The following SHANK2 variants were observed in gnomAD, a reference collection of about 807,000 sequenced individuals.
The protein encoded by SHANK2 is SH3 and multiple ankyrin repeat domains protein 2.
In SHANK2, 43 loss-of-function variants were observed where a neutral mutation model predicts 133.7. The ratio of observed to expected loss-of-function variants is 0.32; its 90% CI spans 0.25 to 0.41. The LOEUF is 0.41. SHANK2 is among the 10% of genes least tolerant of loss of function. The probability of loss-of-function intolerance (pLI) is 1.00; values close to 1 mark genes in which losing one functional copy is unlikely to be tolerated. For missense variants in SHANK2, 1,994 were observed against 2,235.8 expected (o/e 0.89, Z 2.18); for synonymous variants, 1,017 against 952.8 (o/e 1.07, Z -1.24).
Position 70,487,187 on chromosome 11 carries a change from C to A in SHANK2, c.3106G>T (p.Val1036Leu). ...CTGCTGCTGGTGGACGGCTCCTTCA[C>A]GATGATGGTCGGGATAGGGATGGAG... ...TCSIPIPTIIVKEPSTSSSGK... is the reference protein window; with the variant it reads ...TCSIPIPTIILKEPSTSSSGK... The change falls in exon 25 of 26, where the codon GTG (valine) becomes TTG (leucine). Residue 1036 changes from valine (V) to leucine (L), a missense_variant. Val to Leu is a conservative substitution (Grantham distance 32). Transcript: ENST00000601538. The surrounding 1 kb of genome is among the most constrained non-coding windows in gnomAD (Gnocchi z 5.8). 1 of 1,613,708 alleles carries A rather than the reference C, an allele frequency of 6.2e-7. No individual in the cohort carries two copies. Among genetic ancestry groups the A allele is most frequent in the Non-Finnish European group, 8.5e-7 (1 of 1,180,032 alleles).
At chr11:70,839,110 T>C (rs905383538) in intron 11 of SHANK2, among the ~76,000 whole-genome samples, 3 of 152,248 alleles carry the variant, frequency 2.0e-5, no homozygotes, top group East Asian at 3.8e-4. Flanking sequence ...GCAGAAGTCA[T>C]GGGCTCATCA....
intron 14 of SHANK2, among the ~76,000 whole-genome samples, chr11:70,755,726 G>T (rs915672339): frequency 3.9e-5 from 6 of 152,206 alleles, no homozygotes; most frequent in African/African-American, 1.4e-4. Context: ...AGGGACGCCA[G>T]GCAGTGAGTC....
intron 14 of SHANK2, among the ~76,000 whole-genome samples, chr11:70,719,879 C>T (rs1555028550): frequency 1.3e-5 from 2 of 151,972 alleles, no homozygotes; most frequent in African/African-American, 4.8e-5. Context: ...CAGCTGCACA[C>T]AGCAGAGGCT....
chr11:70,759,685 C>T (rs4980640), intron 14 of SHANK2, among the ~76,000 whole-genome samples: 14,260 of 152,164 alleles, frequency 0.094, 866 homozygotes, highest in South Asian at 0.28. Flanking sequence ...CTGTGTGAGG[C>T]AAGGGTGAAG....
At chr11:71,099,432 A>C (rs1951681984) in intron 6 of SHANK2, among the ~76,000 whole-genome samples, 1 of 152,222 alleles carries the variant, frequency 6.6e-6, no homozygotes, top group Non-Finnish European at 1.5e-5. Context: ...AACTCTGTGT[A>C]CTATCTTTGC....
At chr11:70,773,393 G>A (rs1279156432) in intron 14 of SHANK2, among the ~76,000 whole-genome samples, 2 of 152,198 alleles carry the variant, frequency 1.3e-5, no homozygotes, top group African/African-American at 2.4e-5. Flanking sequence ...ACACATCTGT[G>A]ACAACTGGAA....
rs1555147952 is a variant in SHANK2, at chr11:70,469,533, T to TTTTTA, written c.*3335_*3336insTAAAA. ...GCAAATTACAGGAGCTTTTTTTTTT[T>TTTTTA]TTTATAAAGTCTAAAAAGAATAAAA... is the stretch of plus-strand genomic sequence containing the variant. On this transcript the variant is annotated 3_prime_UTR_variant, in exon 26 of 26. Coordinates refer to ENST00000601538, the MANE Select transcript of SHANK2 (RefSeq NM_012309.5). 1 of 152,364 alleles carries TTTTTA rather than the reference T, an allele frequency of 6.6e-6. No individual in the cohort carries two copies. The highest frequency in any genetic ancestry group is 2.4e-5 in the African/African-American group (1 of 41,430). The allele number at this position is 152,364 out of a possible 1,614,324, so 9.4% of individuals were successfully genotyped here. A position where few individuals can be genotyped will look rare whatever the true frequency, so the allele number is the denominator to read the frequency against.
intron 15 of SHANK2, among the ~76,000 whole-genome samples, chr11:70,678,864 C>T (rs896978784): frequency 1.3e-5 from 2 of 152,082 alleles, no homozygotes; most frequent in African/African-American, 4.8e-5. Flanking sequence ...TTTCTAACTG[C>T]GAACTGTTTG....
At chr11:70,755,073 C>CT (rs1190667411) in intron 14 of SHANK2, among the ~76,000 whole-genome samples, 363 of 145,358 alleles carry the variant, frequency 2.5e-3, no homozygotes, top group Middle Eastern at 0.011. Flanking sequence ...TGTTCATAAT[C>CT]TTTTTTTTTT....
At chr11:70,545,133 CCCAGTCCTG>C (rs1283698701) in intron 17 of SHANK2, among the ~76,000 whole-genome samples, 3 of 152,210 alleles carry the variant, frequency 2.0e-5, no homozygotes, top group African/African-American at 7.2e-5. Flanking sequence ...CGATCACCAC[CCCAGTCCTG>C]CCGTGGGCGT....
At chr11:71,250,184 A>T (rs1295757745) in intron 1 of SHANK2, among the ~76,000 whole-genome samples, 2 of 152,114 alleles carry the variant, frequency 1.3e-5, no homozygotes, top group African/African-American at 2.4e-5. Flanking sequence ...GCCCTCTGGG[A>T]TCATCTTTAT....
At chr11:70,499,225 G>A (rs2059015814) in intron 21 of SHANK2, among the ~76,000 whole-genome samples, 1 of 152,270 alleles carries the variant, frequency 6.6e-6, no homozygotes, top group African/African-American at 2.4e-5. Context: ...GTCCCCAGCT[G>A]GATCCCCCAG....
At chr11:70,817,583 G>C (rs947780146) in intron 12 of SHANK2, among the ~76,000 whole-genome samples, 1 of 152,162 alleles carries the variant, frequency 6.6e-6, no homozygotes, top group East Asian at 1.9e-4. Flanking sequence ...GGTGACAAAG[G>C]GGACAGTCTT....
chr11:70,819,944 T>C (rs1948481744), intron 12 of SHANK2, among the ~76,000 whole-genome samples: 1 of 152,134 alleles, frequency 6.6e-6, no homozygotes, highest in East Asian at 1.9e-4. Flanking sequence ...ATAAGGTGTG[T>C]TTGCAGGCTT....
chr11:70,595,265 G>A (rs1042934204), intron 17 of SHANK2, among the ~76,000 whole-genome samples: 2 of 152,112 alleles, frequency 1.3e-5, no homozygotes, highest in Non-Finnish European at 1.5e-5. Context: ...CGTCCACCCC[G>A]ACCCCCTCTC....
chr11:70,929,132 C>G (rs1555082099), intron 10 of SHANK2, among the ~76,000 whole-genome samples: 1 of 152,236 alleles, frequency 6.6e-6, no homozygotes, highest in African/African-American at 2.4e-5. Context: ...ACTTCCAGAA[C>G]TTGTACCTGA....
chr11:70,492,802 T>G (rs1555156278), intron 21 of SHANK2, among the ~76,000 whole-genome samples: 1 of 144,318 alleles, frequency 6.9e-6, no homozygotes, highest in African/African-American at 2.6e-5. Flanking sequence ...TTTTTTTTTT[T>G]TTTTTTTTTT....
rs183460624 is a variant in SHANK2, at chr11:70,699,952, G to A, written c.1778-1189C>T. Among the ~76,000 whole-genome samples the A allele has an allele frequency of 2.5e-3, 385 of 152,332 alleles. 2 individuals carry two copies. Among genetic ancestry groups the A allele is most frequent in the African/African-American group, 8.8e-3 (367 of 41,582 alleles). On this transcript the variant is annotated intron_variant, in intron 14 of 25. Coordinates refer to ENST00000601538, the MANE Select transcript of SHANK2 (RefSeq NM_012309.5). ...AAGCTTAGGCTTTTTAGAAGCCAGT[G>A]TGCTCTCCCGACTCTGTCTTCTTGC...
intron 11 of SHANK2, among the ~76,000 whole-genome samples, chr11:70,861,631 C>T (rs2921326): frequency 0.71 from 108,170 of 152,014 alleles, 38,775 homozygotes; most frequent in South Asian, 0.85. Flanking sequence ...CCTCTACGAG[C>T]CAGTTAACTC....
Sources: allele counts gnomAD v4.1 joint callset (sites outside exome capture counted in the v4.1 genomes callset), GRCh38; gene constraint gnomAD v4.1.1; non-coding constraint Gnocchi (gnomAD v3.1); transcripts MANE v1.5; gene names NCBI Gene and HGNC (gene_info 2026-07-23, HGNC 2026-07-21).